EIF4B: variants seen among roughly 807,000 people sequenced by gnomAD.
EIF4B encodes eukaryotic translation initiation factor 4B.
In EIF4B, 8 loss-of-function variants were observed where a neutral mutation model predicts 79.3. The ratio of observed to expected loss-of-function variants is 0.10; its 90% CI spans 0.06 to 0.18. The LOEUF (loss-of-function observed/expected upper bound fraction) is 0.18. Ranked by LOEUF, EIF4B falls within the 10% of genes least tolerant of loss-of-function variation. The probability of loss-of-function intolerance (pLI) is 1.00; values close to 1 mark genes in which losing one functional copy is unlikely to be tolerated. For missense variants in EIF4B, 515 were observed against 792.4 expected (o/e 0.65, Z 4.20); for synonymous variants, 238 against 274.7 (o/e 0.87, Z 1.32).
At chr12:53,039,095 T>C in intron 12 of EIF4B, 143 bp from the exon 13 acceptor site, 1 of 600,842 alleles carries the variant, frequency 1.7e-6, no homozygotes, top group Non-Finnish European at 2.9e-6. Flanking sequence ...AAGAAGGGCT[T>C]CAGGAAGGAA....
intron 5 of EIF4B, 106 bp downstream of exon 5, chr12:53,021,966 C>A (rs1163008707): frequency 1.5e-6 from 2 of 1,333,002 alleles, no homozygotes; most frequent in Non-Finnish European, 2.1e-6. Flanking sequence ...CTGCCTGAAT[C>A]TACAGTAACA....
intron 8 of EIF4B, among the ~76,000 whole-genome samples, chr12:53,030,647 T>A (rs555167237): frequency 6.6e-6 from 1 of 151,988 alleles, no homozygotes; most frequent in East Asian, 1.9e-4. Context: ...CTTGACCTTG[T>A]GATTCGCCCG....
chr12:53,039,118 G>A (rs1275722451), intron 12 of EIF4B, 120 bp from the exon 13 acceptor site: 2 of 648,938 alleles, frequency 3.1e-6, no homozygotes, highest in Admixed American at 6.0e-5. Flanking sequence ...CTGGGTTGGG[G>A]TGAGGTTAGT....
At chr12:53,021,614 G>A (rs1326936409) in intron 4 of EIF4B, 192 bp from the exon 5 acceptor site, 1 of 691,642 alleles carries the variant, frequency 1.4e-6, no homozygotes, top group Non-Finnish European at 2.7e-6. Context: ...TTCAAGGCCA[G>A]CTTAAATTTG....
At chr12:53,030,413 CTTTTT>C (rs759061266) in intron 8 of EIF4B, among the ~76,000 whole-genome samples, 1,017 of 42,938 alleles carry the variant, frequency 0.024, 19 homozygotes, top group East Asian at 0.053. Context: ...AAATTATATT[CTTTTT>C]TTTTTTTTTT....
At chr12:53,020,913 GAAAA>G (rs1260528469) in intron 4 of EIF4B, among the ~76,000 whole-genome samples, 13 of 152,050 alleles carry the variant, frequency 8.5e-5, no homozygotes, top group African/African-American at 3.1e-4. Flanking sequence ...GTCTGGATAA[GAAAA>G]AGAATACCAT....
Position 53,037,420 on chromosome 12 carries a change from A to G in EIF4B, c.1318A>G (p.Arg440Gly). The change falls in exon 11 of 15, where the codon AGA becomes GGA. Residue 440 changes from arginine to glycine, a missense_variant. This residue lies in a region of EIF4B where 146 missense variants were observed against 228.0 expected (regional missense o/e 0.64). Coordinates refer to ENST00000262056, the MANE Select transcript of EIF4B (RefSeq NM_001417.7). Reference protein sequence around the residue: ...STTSSRNARRRESEKSLENET... With the variant: ...STTSSRNARRGESEKSLENET... Reference sequence around the variant, plus strand: ...CTCTGGCTTCACAGATGCACGAAGGAGAGAGAGTGAGAAGTCTCTAGAAAA... The same window carrying G: ...CTCTGGCTTCACAGATGCACGAAGGGGAGAGAGTGAGAAGTCTCTAGAAAA... 6.2e-7 allele frequency: 1 copy of G among 1,611,776 alleles called. No individual in the cohort carries two copies. The highest frequency in any genetic ancestry group is 2.2e-5 in the East Asian group (1 of 44,884).
In EIF4B at chr12:53,027,809, G is replaced by A. The variant is rs779198667; in HGVS notation, c.695G>A (p.Arg232Gln). 19 of 1,608,680 alleles carry A rather than the reference G, an allele frequency of 1.2e-5. No individual in the cohort carries two copies. Among genetic ancestry groups the A allele is most frequent in the Non-Finnish European group, 1.5e-5 (18 of 1,177,644 alleles). The stretch of plus-strand genomic sequence containing the variant: ...TATCGAGATCGTTATGATTCAGACC[G>A]GTATCGGGATGGGTATCGGGATGGG... ...DKYRDRYDSD[R>Q]YRDGYRDGYR... Residue 232 changes from arginine (R) to glutamine (Q), a missense_variant, in exon 7 of 15, where the codon CGG (arginine) becomes CAG (glutamine). Arg to Gln is a conservative substitution (Grantham distance 43). This residue lies in a region of EIF4B where 187 missense variants were observed against 256.5 expected (regional missense o/e 0.73). Transcript: ENST00000262056.
intron 13 of EIF4B, 22 bp downstream of exon 13, chr12:53,039,365 T>G (rs761012246): frequency 6.5e-7 from 1 of 1,529,382 alleles, no homozygotes; most frequent in African/African-American, 1.4e-5. Context: ...CTCTTTCTCA[T>G]CTTTCCTCTG....
chr12:53,007,157 G>T (rs1052363124), intron 1 of EIF4B, among the ~76,000 whole-genome samples: 1 of 152,178 alleles, frequency 6.6e-6, no homozygotes, highest in African/African-American at 2.4e-5. Context: ...TAGAGTGTGG[G>T]CCCTGTGCCT....
In EIF4B at chr12:53,027,137, A is replaced by AATTTTTTTTTTT. The variant is rs1491387300; in HGVS notation, c.668-645_668-644insATTTTTTTTTTT. On this transcript the variant is annotated intron_variant, in intron 6 of 14. Transcript: ENST00000262056. ...AGACTGTCTCTCAAAAAAAAAAAAA[A>AATTTTTTTTTTT]TTTTTTTTTTTTTTTTTTTTGAGAC... 3.1e-4 allele frequency among the ~76,000 whole-genome samples: 8 copies of AATTTTTTTTTTT among 25,746 alleles called. No individual in the cohort carries two copies. The East Asian group carries it at 0.01, about 33-fold the overall frequency. 16.9% of individuals were successfully genotyped at this position (25,746 alleles called of 152,430 possible).
At chr12:53,018,113 C>T (rs543919905) in intron 2 of EIF4B, among the ~76,000 whole-genome samples, 1 of 152,330 alleles carries the variant, frequency 6.6e-6, no homozygotes, top group East Asian at 1.9e-4. Context: ...GTCTCAGCCT[C>T]CCAAGTAGAT....
intron 2 of EIF4B, among the ~76,000 whole-genome samples, chr12:53,017,649 A>G (rs1034373772): frequency 2.0e-5 from 3 of 152,122 alleles, no homozygotes; most frequent in African/African-American, 7.2e-5. Flanking sequence ...CTGGGGTGCA[A>G]GTGGCGCACT....
intron 3 of EIF4B, among the ~76,000 whole-genome samples, chr12:53,019,443 T>TC (rs1943207182): frequency 3.2e-5 from 3 of 94,390 alleles, no homozygotes; most frequent in East Asian, 3.8e-4. Flanking sequence ...ATATATTTTT[T>TC]TTTTTTCTTT....
At chr12:53,010,516 C>T (rs1943046509) in intron 1 of EIF4B, among the ~76,000 whole-genome samples, 1 of 152,074 alleles carries the variant, frequency 6.6e-6, no homozygotes, top group African/African-American at 2.4e-5. Flanking sequence ...AATGTCTTTT[C>T]ATGGCTGGGC....
intron 1 of EIF4B, chr12:53,013,535 G>GCAGCA (rs1565583818): frequency 6.6e-6 from 1 of 152,046 alleles, no homozygotes; most frequent in East Asian, 1.9e-4. Context: ...GCCTGTAATC[G>GCAGCA]CAGCATTTTG....
chr12:53,031,245 G>T (rs1223880079), intron 8 of EIF4B, among the ~76,000 whole-genome samples: 1 of 152,096 alleles, frequency 6.6e-6, no homozygotes, highest in African/African-American at 2.4e-5. Flanking sequence ...CTATACCTCT[G>T]ACATACACGG....
At chr12:53,019,432 TATATATTTTTTTTTTTTC>T (rs1467061987) in intron 3 of EIF4B, among the ~76,000 whole-genome samples, 2 of 74,320 alleles carry the variant, frequency 2.7e-5, no homozygotes, top group Non-Finnish European at 5.3e-5. Flanking sequence ...ATTATATATA[TATATATTTTTTTTTTTTC>T]TTTTTTTTTT....
At chr12:53,017,644 G>A (rs1001998039) in intron 2 of EIF4B, among the ~76,000 whole-genome samples, 24 of 152,168 alleles carry the variant, frequency 1.6e-4, no homozygotes, top group Non-Finnish European at 2.9e-4. Flanking sequence ...CCAGGCTGGG[G>A]TGCAAGTGGC....
Sources: allele counts gnomAD v4.1 joint callset (sites outside exome capture counted in the v4.1 genomes callset), GRCh38; gene constraint gnomAD v4.1.1; regional missense constraint gnomAD v4.1.1; transcripts MANE v1.5; gene names NCBI Gene and HGNC (gene_info 2026-07-23, HGNC 2026-07-21).